Variants in CFAP46 observed in about 807,000 individuals in gnomAD.
CFAP46 encodes cilia and flagella associated protein 46, also known as cilia- and flagella-associated protein 46.
CFAP46 carries 245 observed loss-of-function variants against 325.7 expected under a neutral mutation model. The ratio of observed to expected loss-of-function variants is 0.75; its 90% CI spans 0.68 to 0.84. CFAP46 has a LOEUF of 0.84. Ranked by LOEUF, CFAP46 falls within the 40% of genes least tolerant of loss-of-function variation. The probability of loss-of-function intolerance (pLI) is 0.00; values close to 1 mark genes in which losing one functional copy is unlikely to be tolerated. For missense variants in CFAP46, 3,346 were observed against 3,543.0 expected, an observed-to-expected ratio of 0.94 and a Z score of 1.41; for synonymous variants, 1,523 against 1,495.9, an observed-to-expected ratio of 1.02 and a Z score of -0.42.
At chr10:132,815,260 C>T (rs1377966206) in intron 50 of CFAP46, among the ~76,000 whole-genome samples, 1 of 152,204 alleles carries the variant, frequency 6.6e-6, no homozygotes, top group Non-Finnish European at 1.5e-5. Flanking sequence ...TACAACCTGC[C>T]CCTTTCGACA....
chr10:132,920,010 G>T, intron 14 of CFAP46, 49 bp downstream of exon 14: 2 of 1,451,274 alleles, frequency 1.4e-6, no homozygotes, highest in South Asian at 2.9e-5. Context: ...CGGGCTGAGC[G>T]ACCCCCGGGC....
chr10:132,808,828 C>G lies in CFAP46; in HGVS notation c.7741G>C (p.Gly2581Arg). The change falls in exon 58 of 58, where the codon GGT becomes CGT. Residue 2581 changes from glycine to arginine, a missense_variant. By Grantham distance (125) the Gly-to-Arg change is moderately radical (BLOSUM62 -2). Coordinates refer to ENST00000368586, the MANE Select transcript of CFAP46 (RefSeq NM_001200049.3). This position sits in a 1 kb window ranked among gnomAD's most constrained non-coding sequence, Gnocchi z 6.8. ...CTTGGTGCGGCAGCCCATACAGGACCAAGTTGAGCGTGGTGGGAAGGAGCT... is the reference window on the plus strand; with the variant it reads ...CTTGGTGCGGCAGCCCATACAGGACGAAGTTGAGCGTGGTGGGAAGGAGCT... ...LRAPSHHAQL[G>R]PVWAAAPSHR... is the part of the protein sequence containing the mutation. The G allele has an allele frequency of 6.2e-7, 1 of 1,607,676 alleles. No homozygotes were observed. The highest frequency in any genetic ancestry group is 8.5e-7 in the Non-Finnish European group (1 of 1,176,226).
At chr10:132,895,838 C>A (rs148904172) in intron 24 of CFAP46, among the ~76,000 whole-genome samples, 1 of 151,756 alleles carries the variant, frequency 6.6e-6, no homozygotes, top group Non-Finnish European at 1.5e-5. Context: ...GTGGGGTCCT[C>A]ACAATGAAGT....
In CFAP46 at chr10:132,924,891, G is replaced by A. The variant is rs138240756; in HGVS notation, c.1066-5C>T. On this transcript the variant is annotated splice_polypyrimidine_tract_variant and splice_region_variant and intron_variant, in intron 10 of 57. Coordinates refer to ENST00000368586, the MANE Select transcript of CFAP46 (RefSeq NM_001200049.3). ...CTGTATGATATCCAGCTGGGCCTGC[G>A]GAGAAGACGTGGGGGATTCTAGGGA... 181 of 1,377,322 alleles carry A rather than the reference G, an allele frequency of 1.3e-4. No individual in the cohort carries two copies. In the African/African-American group the frequency reaches 2.4e-3, roughly 18 times the overall value. The allele number at this position is 1,377,322 out of a possible 1,614,324, so 85.3% of individuals were successfully genotyped here. A position where few individuals can be genotyped will look rare whatever the true frequency, so the allele number is the denominator to read the frequency against.
chr10:132,846,030 G>T, intron 44 of CFAP46, 27 bp downstream of exon 44: 1 of 1,589,792 alleles, frequency 6.3e-7, no homozygotes, highest in Non-Finnish European at 8.5e-7. Context: ...GCTGGGGGCA[G>T]GTTCAGCGGC....
chr10:132,899,576 C>T lies in CFAP46; in HGVS notation c.3015G>A (p.Gln1005=). The change falls in exon 23 of 58, where the codon CAG becomes CAA. Residue 1005 remains glutamine, a synonymous_variant. Coordinates refer to ENST00000368586, the MANE Select transcript of CFAP46 (RefSeq NM_001200049.3). ...AGGCCTTGGCTGCCACCAGTCGCAG[C>T]TGCTTCCGGCCCTTCAGGTTTTCCA... ...SIMENLKGRK[Q]LRLVAAKAFT... The T allele has an allele frequency of 6.5e-7, 1 of 1,549,728 alleles. No individual in the cohort carries two copies. The highest frequency in any genetic ancestry group is 8.7e-7 in the Non-Finnish European group (1 of 1,146,946).
intron 44 of CFAP46, among the ~76,000 whole-genome samples, chr10:132,842,649 T>C: frequency 6.6e-6 from 1 of 152,234 alleles, no homozygotes. Context: ...TTCCAGTTGT[T>C]TATAGCAGAA....
chr10:132,886,491 C>A lies in CFAP46; in HGVS notation c.3305-532G>T, dbSNP rs892347564. ...GCACACACAAAAATCGCCTGCCTGCCGGGAGGTGAGCCCCACCCAGCCTCC... is the reference window on the plus strand; with the variant it reads ...GCACACACAAAAATCGCCTGCCTGCAGGGAGGTGAGCCCCACCCAGCCTCC... On this transcript the variant is annotated intron_variant, in intron 25 of 57. Transcript: ENST00000368586. The surrounding 1 kb of genome is among the most constrained non-coding windows in gnomAD (Gnocchi z 5.8). Among the ~76,000 whole-genome samples the A allele has an allele frequency of 6.6e-6, 1 of 152,160 alleles. No homozygotes were observed. The highest frequency in any genetic ancestry group is 1.5e-5 in the Non-Finnish European group (1 of 68,012).
At chr10:132,814,950 A>G in intron 50 of CFAP46, 36 bp from the exon 51 acceptor site, 4 of 1,599,946 alleles carry the variant, frequency 2.5e-6, no homozygotes, top group Non-Finnish European at 3.4e-6. Flanking sequence ...GATGTTTGGC[A>G]GCAGCTCGAG....
rs906384461 is a variant in CFAP46, at chr10:132,851,183, CT to C, written c.5696del (p.Gln1899ArgfsTer28). 3.1e-6 allele frequency: 5 copies of C among 1,614,146 alleles called. No homozygotes were observed. In the Middle Eastern group the frequency reaches 6.6e-4, roughly 213 times the overall value. ...WEEAHGQQSE[Q>X]GSLEKLLADY... ...CCGCCAGCAGCTTCTCCAGGGACCC[CT>C]GCTCACTCTGCTGCCCGTGGGCCTC... On this transcript the variant is annotated frameshift_variant, in exon 40 of 58. Transcript: ENST00000368586. LOFTEE classifies it high-confidence loss of function.
chr10:132,940,568 G>T (rs541438641), intron 4 of CFAP46, among the ~76,000 whole-genome samples: 4 of 152,120 alleles, frequency 2.6e-5, no homozygotes, highest in African/African-American at 9.6e-5. Flanking sequence ...GGAGGCCCTG[G>T]AGAAAACAGA....
chr10:132,936,996 G>A lies in CFAP46; in HGVS notation c.720C>T (p.Ser240=), dbSNP rs200878423. 1.3e-6 allele frequency: 2 copies of A among 1,544,920 alleles called. No homozygotes were observed. The highest frequency in any genetic ancestry group is 2.3e-5 in the East Asian group (1 of 43,444). The change falls in exon 7 of 58, where the codon AGC becomes AGT. Residue 240 remains serine, a synonymous_variant. Coordinates refer to ENST00000368586, the MANE Select transcript of CFAP46 (RefSeq NM_001200049.3). The part of the protein sequence containing the change: ...QLKEEKKNSI[S]LSVTFYINML... ...TATTAATATAGAAAGTGACTGACAG[G>A]CTAATGGAATTTTTCTTTTCTTCCT... is the stretch of plus-strand genomic sequence containing the variant.
chr10:132,873,289 A>G (rs995290796), intron 31 of CFAP46, among the ~76,000 whole-genome samples: 106 of 152,252 alleles, frequency 7.0e-4, no homozygotes, highest in African/African-American at 2.5e-3. Context: ...GGAAAGTTGG[A>G]TGACTTGTCG....
intron 17 of CFAP46, among the ~76,000 whole-genome samples, chr10:132,916,342 C>T (rs1188602227): frequency 6.6e-6 from 1 of 152,210 alleles, no homozygotes; most frequent in African/African-American, 2.4e-5. Context: ...TTGCGAGGAA[C>T]GACGGCTAAA....
At position 132,828,226 on chromosome 10, in the gene CFAP46, G is replaced by A. The variant is rs1351728098; in HGVS notation, c.7117+5132C>T. On this transcript the variant is annotated intron_variant, in intron 50 of 57. Coordinates refer to ENST00000368586, the MANE Select transcript of CFAP46 (RefSeq NM_001200049.3). The surrounding 1 kb of genome is among the most constrained non-coding windows in gnomAD (Gnocchi z 4.9). ...CCTTATCTCTTTGGTAGATGGAGTG[G>A]AATGACTGCGGCATACAACAGGCCT... 2.6e-5 allele frequency among the ~76,000 whole-genome samples: 4 copies of A among 152,234 alleles called. No individual in the cohort carries two copies. Among genetic ancestry groups the A allele is most frequent in the Non-Finnish European group, 5.9e-5 (4 of 68,042 alleles).
intron 41 of CFAP46, among the ~76,000 whole-genome samples, chr10:132,849,692 C>A (rs1284452863): frequency 1.3e-5 from 2 of 152,136 alleles, no homozygotes; most frequent in Non-Finnish European, 2.9e-5. Context: ...AGGTCCCGAC[C>A]GCCCTTCTCA....
rs536311037 is a variant in CFAP46 at position 132,877,348 on chromosome 10, G to T, written c.4213-387C>A. ...TGCTCGTGCCGGGGTCCAGGTGTGA[G>T]CGTCCTGCTCTGGGGAGCTGGGCAG... On this transcript the variant is annotated intron_variant, in intron 30 of 57. Transcript: ENST00000368586. This position sits in a 1 kb window ranked among gnomAD's most constrained non-coding sequence, Gnocchi z 5.7. 6.6e-6 allele frequency among the ~76,000 whole-genome samples: 1 copy of T among 152,262 alleles called. No individual in the cohort carries two copies. Among genetic ancestry groups the T allele is most frequent in the Non-Finnish European group, 1.5e-5 (1 of 68,026 alleles).
rs889507270 is a variant in CFAP46 at position 132,833,954 on chromosome 10, G to A, written c.6949+87C>T. On this transcript the variant is annotated intron_variant, in intron 49 of 57. Coordinates refer to ENST00000368586, the MANE Select transcript of CFAP46 (RefSeq NM_001200049.3). ...TCCTGGGTTCCTGACCCCCCCTGGC[G>A]TTCCCGGATGGGTGGGTGGATCCCA... 56 of 1,292,248 alleles carry A rather than the reference G, an allele frequency of 4.3e-5. No individual in the cohort carries two copies. In the African/African-American group the frequency reaches 6.0e-4, roughly 14 times the overall value. 80.0% of individuals were successfully genotyped at this position (1,292,248 alleles called of 1,614,324 possible). A position where few individuals can be genotyped will look rare whatever the true frequency, so the allele number is the denominator to read the frequency against.
Position 132,892,437 on chromosome 10 carries a change from C to G in CFAP46, c.3220-20G>C. The G allele has an allele frequency of 6.5e-7, 1 of 1,549,360 alleles. No individual in the cohort carries two copies. The highest frequency in any genetic ancestry group is 2.0e-5 in the Admixed American group (1 of 50,960). ...TTTCTCCTAAAGTAACGCAAGTAAA[C>G]GACACGTATATTTGAAAGTTGCAAG... On this transcript the variant is annotated intron_variant, in intron 24 of 57. Coordinates refer to ENST00000368586, the MANE Select transcript of CFAP46 (RefSeq NM_001200049.3).
Sources: gnomAD v4.1 joint callset for allele counts (sites outside exome capture counted in the v4.1 genomes callset) on GRCh38, gnomAD v4.1.1 for gene constraint, Gnocchi (gnomAD v3.1) non-coding constraint, MANE v1.5 for transcripts, NCBI Gene and HGNC (gene_info 2026-07-23, HGNC 2026-07-21) for gene names.